The following GALNT14 variants were observed in gnomAD, a reference collection of about 807,000 sequenced individuals.
GALNT14 encodes UDP-GalNAc:polypeptide N-acetylgalactosaminyltransferase 14.
Under a neutral mutation model 77.5 loss-of-function variants are expected in GALNT14, and 60 were observed. That is an observed-to-expected ratio of 0.77 (90% CI 0.63 to 0.96). The LOEUF is 0.96. Ranked by LOEUF, GALNT14 falls within the 40% of genes least tolerant of loss-of-function variation. The pLI is 0.00. For missense variants in GALNT14, 710 were observed against 731.0 expected, an observed-to-expected ratio of 0.97 and a Z score of 0.33; for synonymous variants, 280 against 281.7, an observed-to-expected ratio of 0.99 and a Z score of 0.06.
chr2:31,129,219 C>T, intron 1 of GALNT14: 1 of 311,396 alleles, frequency 3.2e-6, no homozygotes, highest in Non-Finnish European at 4.7e-6. Flanking sequence ...AAGTCCCTAC[C>T]CTGCTATCAC....
At chr2:31,033,485 C>T (rs1672535247) in intron 1 of GALNT14, among the ~76,000 whole-genome samples, 1 of 152,184 alleles carries the variant, frequency 6.6e-6, no homozygotes. Context: ...GATCCTCCAG[C>T]TAAATTCTGA....
intron 1 of GALNT14, among the ~76,000 whole-genome samples, chr2:31,047,186 A>G (rs1673521050): frequency 6.6e-6 from 1 of 152,174 alleles, no homozygotes; most frequent in Admixed American, 6.5e-5. Flanking sequence ...GTGGTTGAGA[A>G]CAGGGGCTCC....
At chr2:31,130,491 T>C (rs1295661069) in intron 1 of GALNT14, among the ~76,000 whole-genome samples, 2 of 152,084 alleles carry the variant, frequency 1.3e-5, no homozygotes, top group Admixed American at 1.3e-4. Context: ...GGATGGAGCA[T>C]GGACAGAACA....
At chr2:31,003,983 T>C (rs1670516991) in intron 1 of GALNT14, among the ~76,000 whole-genome samples, 1 of 152,202 alleles carries the variant, frequency 6.6e-6, no homozygotes, top group South Asian at 2.1e-4. Context: ...ATCAACACCC[T>C]GTAAATTCCA....
At position 30,914,820 on chromosome 2, in the gene GALNT14, G is replaced by A. The variant is rs80133667; in HGVS notation, c.1381-2478C>T. 7.0e-3 allele frequency among the ~76,000 whole-genome samples: 1,066 copies of A among 152,282 alleles called. 20 individuals are homozygous for A. The highest frequency in any genetic ancestry group is 0.024 in the African/African-American group (1,015 of 41,550). ...TGAATTAGGCTGGGGCCATTTGGGT[G>A]GGGGATTCTGAAGTCCTAAATATCC... On this transcript the variant is annotated intron_variant, in intron 13 of 14. Transcript: ENST00000349752.
chr2:30,888,832 A>G, the GALNT14 span, among the ~76,000 whole-genome samples: 2 of 152,204 alleles, frequency 1.3e-5, no homozygotes, highest in African/African-American at 4.8e-5. Flanking sequence ...ATTCAGTCAC[A>G]TGATACCTGT....
intron 1 of GALNT14, among the ~76,000 whole-genome samples, chr2:31,048,925 G>T (rs533396139): frequency 1.1e-3 from 163 of 152,152 alleles, no homozygotes; most frequent in African/African-American, 3.6e-3. Context: ...ATTCCCACAG[G>T]TGCCCGTCAC....
intron 1 of GALNT14, among the ~76,000 whole-genome samples, chr2:30,997,156 C>A (rs1670086508): frequency 6.6e-6 from 1 of 152,140 alleles, no homozygotes; most frequent in African/African-American, 2.4e-5. Context: ...AACCTCCCAA[C>A]ACCAAAGACA....
At chr2:31,135,393 G>T (rs547234653) in intron 1 of GALNT14, among the ~76,000 whole-genome samples, 1 of 152,222 alleles carries the variant, frequency 6.6e-6, no homozygotes, top group Non-Finnish European at 1.5e-5. Context: ...AAGTCACAGG[G>T]AATAAAACTG....
At chr2:31,015,818 T>A (rs1671315955) in intron 1 of GALNT14, among the ~76,000 whole-genome samples, 1 of 152,194 alleles carries the variant, frequency 6.6e-6, no homozygotes, top group Non-Finnish European at 1.5e-5. Flanking sequence ...CAAGGTCACG[T>A]AAGACAAGGA....
At chr2:31,023,543 T>G (rs763728333) in intron 1 of GALNT14, among the ~76,000 whole-genome samples, 11 of 152,146 alleles carry the variant, frequency 7.2e-5, no homozygotes, top group Non-Finnish European at 1.5e-4. Flanking sequence ...AAGGGAATTC[T>G]GTTTGCACTT....
intron 1 of GALNT14, chr2:31,065,094 C>T (rs977512199): frequency 4.6e-5 from 7 of 151,638 alleles, no homozygotes; most frequent in African/African-American, 1.7e-4. Context: ...CCAGATCAGC[C>T]CAGAAGACCT....
At chr2:31,114,664 A>C in intron 1 of GALNT14, 1 of 667,766 alleles carries the variant, frequency 1.5e-6, no homozygotes. Context: ...CAGCTTGTGA[A>C]TAACAATAAT....
At chr2:31,132,693 C>T (rs1316422009) in intron 1 of GALNT14, 2 of 471,022 alleles carry the variant, frequency 4.2e-6, no homozygotes, top group Admixed American at 4.7e-5. Context: ...GTGTAGGCTG[C>T]ACTAACTTTG....
intron 1 of GALNT14, among the ~76,000 whole-genome samples, chr2:31,065,895 C>T (rs992959537): frequency 1.3e-5 from 2 of 152,128 alleles, no homozygotes; most frequent in Admixed American, 1.3e-4. Context: ...TAAGTATCCC[C>T]CAGAGACCAT....
At chr2:31,015,147 C>G (rs1174964710) in intron 1 of GALNT14, among the ~76,000 whole-genome samples, 1 of 152,070 alleles carries the variant, frequency 6.6e-6, no homozygotes, top group African/African-American at 2.4e-5. Context: ...AAAACGTTAG[C>G]TGGGCATAGT....
chr2:30,920,968 G>C (rs1167647295), intron 13 of GALNT14, among the ~76,000 whole-genome samples: 14 of 152,196 alleles, frequency 9.2e-5, no homozygotes, highest in African/African-American at 3.4e-4. Flanking sequence ...AGGCAGAGAG[G>C]AGGGGCATCT....
rs544745623 is a variant in GALNT14 at position 31,013,096 on chromosome 2, C to G, written c.130-20089G>C. On this transcript the variant is annotated intron_variant, in intron 1 of 14. Coordinates refer to ENST00000349752, the MANE Select transcript of GALNT14 (RefSeq NM_024572.4). The stretch of plus-strand genomic sequence containing the variant: ...CAGTCCTGGCTCTGACACTCTTGAG[C>G]AGTGGGACCTTGGGCAAGTCACTGG... 7.2e-5 allele frequency among the ~76,000 whole-genome samples: 11 copies of G among 152,264 alleles called. No homozygotes were observed. The South Asian group carries it at 2.3e-3, about 32-fold the overall frequency.
At chr2:30,970,952 C>T (rs1039192441) in intron 2 of GALNT14, among the ~76,000 whole-genome samples, 1 of 152,150 alleles carries the variant, frequency 6.6e-6, no homozygotes, top group African/African-American at 2.4e-5. Context: ...TGCTGAGTAA[C>T]TGGGGTGAGG....
Sources: allele counts gnomAD v4.1 joint callset (sites outside exome capture counted in the v4.1 genomes callset), GRCh38; gene constraint gnomAD v4.1.1; transcripts MANE v1.5; gene names NCBI Gene and HGNC (gene_info 2026-07-23, HGNC 2026-07-21).